The following PRR5 variants were observed in gnomAD, a reference collection of about 807,000 sequenced individuals.
PRR5 encodes proline-rich protein 5.
Under a neutral mutation model 30.6 loss-of-function variants are expected in PRR5, and 25 were observed. The observed-to-expected ratio is 0.82, with a 90% CI of 0.60 to 1.14. The LOEUF (loss-of-function observed/expected upper bound fraction) is 1.14. Among genes scored for constraint, PRR5 ranks in the 50% most tolerant of loss-of-function variants. The pLI is 0.00. For missense variants in PRR5, 600 were observed against 547.1 expected (o/e 1.10, Z -0.96); for synonymous variants, 286 against 247.1 (o/e 1.16, Z -1.48).
chr22:44,733,703 A>G (rs552240090), intron 6 of PRR5, among the ~76,000 whole-genome samples: 1 of 152,288 alleles, frequency 6.6e-6, no homozygotes, highest in African/African-American at 2.4e-5. Flanking sequence ...CACTGCTCCT[A>G]CAGGCAGACA....
chr22:44,702,630 C>T (rs1926510716), intron 1 of PRR5, 22 bp downstream of exon 1: 1 of 1,271,866 alleles, frequency 7.9e-7, no homozygotes, highest in Non-Finnish European at 9.9e-7. Context: ...CCCTCCCGGC[C>T]ACCCGGAGGC....
Position 44,726,582 on chromosome 22 carries a change from G to A in PRR5, c.270G>A (p.Gln90=), listed in dbSNP as rs781301438. Residue 90 remains glutamine, a synonymous_variant, in exon 4 of 8, where the codon CAG becomes CAA. Coordinates refer to ENST00000336985, the MANE Select transcript of PRR5 (RefSeq NM_181333.4). Reference sequence around the variant, plus strand: ...CCCTCTGTGTTTACCTTCAGAACCAGCTGCTGACAAAAGGCATGGTGATCC... The same window carrying A: ...CCCTCTGTGTTTACCTTCAGAACCAACTGCTGACAAAAGGCATGGTGATCC... ...GSFFTEYLQN[Q]LLTKGMVILR... is the part of the protein sequence containing the mutation. The A allele has an allele frequency of 2.8e-5, 45 of 1,613,970 alleles. No individual in the cohort carries two copies. Among genetic ancestry groups the A allele is most frequent in the Non-Finnish European group, 3.8e-5 (45 of 1,180,044 alleles).
chr22:44,713,873 G>A (rs1448523886), intron 1 of PRR5, among the ~76,000 whole-genome samples: 2 of 152,138 alleles, frequency 1.3e-5, no homozygotes, highest in Non-Finnish European at 2.9e-5. Flanking sequence ...GCGCGATCTC[G>A]GCTCATCGCA....
chr22:44,669,001 G>A (rs1364503870), intron 1 of PRR5, among the ~76,000 whole-genome samples: 1 of 151,534 alleles, frequency 6.6e-6, no homozygotes, highest in Non-Finnish European at 1.5e-5. Flanking sequence ...GGTAGGGGTC[G>A]GACGGAATCT....
At chr22:44,732,752 ACG>A (rs57341767) in intron 6 of PRR5, among the ~76,000 whole-genome samples, 4,022 of 150,850 alleles carry the variant, frequency 0.027, 180 homozygotes, top group African/African-American at 0.093. Flanking sequence ...ACACGTGTGC[ACG>A]CACACGCTAC....
At position 44,737,155 on chromosome 22, in the gene PRR5, G is replaced by C. The variant is rs746523166; in HGVS notation, c.1075G>C (p.Asp359His). The C allele has an allele frequency of 6.2e-6, 10 of 1,612,608 alleles. No individual in the cohort carries two copies. In the East Asian group the frequency reaches 2.0e-4, roughly 32 times the overall value. The change falls in exon 8 of 8, where the codon GAT becomes CAT. Residue 359 changes from aspartate (D) to histidine (H), a missense_variant. Coordinates refer to ENST00000336985, the MANE Select transcript of PRR5 (RefSeq NM_181333.4). ...VDQILESVDS[D>H]SEGIFIDFGR... The stretch of plus-strand genomic sequence containing the variant: ...CCAGATCCTGGAGTCCGTGGACTCG[G>C]ATTCTGAAGGGATTTTCATTGACTT...
At chr22:44,684,093 A>G (rs1395067328) in intron 1 of PRR5, among the ~76,000 whole-genome samples, 1 of 152,090 alleles carries the variant, frequency 6.6e-6, no homozygotes, top group Non-Finnish European at 1.5e-5. Flanking sequence ...CCCGGGCCAG[A>G]GGGGTGGGCT....
intron 1 of PRR5, among the ~76,000 whole-genome samples, chr22:44,692,206 C>G (rs1208870354): frequency 7.6e-6 from 1 of 131,730 alleles, no homozygotes; most frequent in Non-Finnish European, 1.6e-5. Context: ...TCCTCCCACG[C>G]TCCTCCACCA....
At chr22:44,730,160 C>T (rs1304643589) in intron 4 of PRR5, 73 of 985,112 alleles carry the variant, frequency 7.4e-5, no homozygotes, top group East Asian at 4.5e-4. Flanking sequence ...TGGGGGCTTC[C>T]GGGAGTGGGG....
chr22:44,725,423 CTCG>C (rs977631306), intron 3 of PRR5, 131 bp downstream of exon 3: 2 of 1,264,874 alleles, frequency 1.6e-6, no homozygotes, highest in Non-Finnish European at 2.2e-6. Flanking sequence ...AAGGACCTGC[CTCG>C]TTCCTTATCT....
intron 7 of PRR5, 146 bp downstream of exon 7, chr22:44,735,308 C>A: frequency 8.0e-7 from 1 of 1,245,334 alleles, no homozygotes; most frequent in South Asian, 1.5e-5. Context: ...CCCAGCCTGC[C>A]ATATGCTGGC....
chr22:44,719,089 CT>C (rs5845664), intron 2 of PRR5, among the ~76,000 whole-genome samples: 347 of 144,300 alleles, frequency 2.4e-3, no homozygotes, highest in South Asian at 2.4e-3. Flanking sequence ...TTTGCATAAT[CT>C]TTTTTTTTTT....
At chr22:44,712,609 C>G (rs1406248910) in intron 1 of PRR5, among the ~76,000 whole-genome samples, 1 of 152,198 alleles carries the variant, frequency 6.6e-6, no homozygotes, top group African/African-American at 2.4e-5. Flanking sequence ...TTGGTTTTCT[C>G]ATCTGCAAAA....
intron 1 of PRR5, among the ~76,000 whole-genome samples, chr22:44,686,598 C>T (rs1461562072): frequency 2.6e-5 from 4 of 152,072 alleles, no homozygotes; most frequent in African/African-American, 4.8e-5. Context: ...TCACTGCAAC[C>T]TCCACCTCCC....
intron 1 of PRR5, among the ~76,000 whole-genome samples, chr22:44,687,835 C>T (rs1454098991): frequency 6.6e-6 from 1 of 152,052 alleles, no homozygotes; most frequent in African/African-American, 2.4e-5. Context: ...AGTGCATTGG[C>T]GCGATCTCGG....
intron 1 of PRR5, among the ~76,000 whole-genome samples, chr22:44,688,314 G>C (rs1924938659): frequency 6.6e-6 from 1 of 152,056 alleles, no homozygotes; most frequent in Non-Finnish European, 1.5e-5. Context: ...AACCTGGGAG[G>C]CGGAGGTTGC....
chr22:44,737,596 A>C lies in PRR5; in HGVS notation c.*349A>C. 1 of 253,852 alleles carries C rather than the reference A, an allele frequency of 3.9e-6. No homozygotes were observed. Among genetic ancestry groups the C allele is most frequent in the Non-Finnish European group, 7.6e-6 (1 of 131,926 alleles). The allele number at this position is 253,852 out of a possible 1,614,324, so 15.7% of individuals were successfully genotyped here. On this transcript the variant is annotated 3_prime_UTR_variant, in exon 8 of 8. Transcript: ENST00000336985. ...GGGCTCTGCCCACGCCGGGCCCCAA[A>C]GTGACCAGACTCCAGCACACCTGTC... is the stretch of plus-strand genomic sequence containing the variant.
intron 5 of PRR5, 26 bp from the exon 6 acceptor site, chr22:44,732,225 T>C (rs199925572): frequency 1.2e-6 from 2 of 1,607,248 alleles, no homozygotes; most frequent in Non-Finnish European, 1.7e-6. Context: ...CCACAGCCGG[T>C]GGGGTGGGGT....
intron 1 of PRR5, 30 bp from the exon 2 acceptor site, chr22:44,714,561 A>G (rs1030487554): frequency 3.1e-6 from 5 of 1,609,912 alleles, no homozygotes; most frequent in African/African-American, 1.3e-5. Flanking sequence ...AGACCTCAGG[A>G]CTGCAGTGTT....
Sources: gnomAD v4.1 joint callset for allele counts (sites outside exome capture counted in the v4.1 genomes callset) on GRCh38, gnomAD v4.1.1 for gene constraint, MANE v1.5 for transcripts, NCBI Gene and HGNC (gene_info 2026-07-23, HGNC 2026-07-21) for gene names.